ATP6V1A: variants seen among roughly 807,000 people sequenced by gnomAD.
ATP6V1A encodes V-type proton ATPase catalytic subunit A.
In ATP6V1A, 18 loss-of-function variants were observed where a neutral mutation model predicts 70.1. The observed-to-expected ratio is 0.26, with a 90% CI of 0.18 to 0.38. ATP6V1A has a LOEUF of 0.38. Among genes scored for constraint, ATP6V1A ranks in the 10% least tolerant of loss-of-function variants. ATP6V1A has a pLI of 1.00. For synonymous variants in ATP6V1A, 232 were observed against 253.8 expected, an observed-to-expected ratio of 0.91 and a Z score of 0.82; for missense variants, 424 against 772.4, an observed-to-expected ratio of 0.55 and a Z score of 5.35.
In ATP6V1A at chr3:113,803,810, A is replaced by C; in HGVS notation, c.1589+133A>C. 4 of 626,404 alleles carry C rather than the reference A, an allele frequency of 6.4e-6. No individual in the cohort carries two copies. The South Asian group carries it at 6.9e-5, about 11-fold the overall frequency. 38.8% of individuals were successfully genotyped at this position (626,404 alleles called of 1,614,324 possible). A position where few individuals can be genotyped will look rare whatever the true frequency, so the allele number is the denominator to read the frequency against. ...TGACTTAGTAGATTGGTTTATTTGT[A>C]TATTTGTAGTAGACATGATCTAATA... is the stretch of plus-strand genomic sequence containing the variant. On this transcript the variant is annotated intron_variant, in intron 13 of 14. Coordinates refer to ENST00000273398, the MANE Select transcript of ATP6V1A (RefSeq NM_001690.4).
chr3:113,803,785 T>A (rs1709247168), intron 13 of ATP6V1A, 108 bp downstream of exon 13: 1 of 750,068 alleles, frequency 1.3e-6, no homozygotes, highest in African/African-American at 1.8e-5. Context: ...TCATACACTC[T>A]GACTTAGTAG....
intron 6 of ATP6V1A, among the ~76,000 whole-genome samples, 194 bp from the exon 7 acceptor site, chr3:113,788,519 T>G (rs1709060218): frequency 1.3e-5 from 2 of 151,448 alleles, no homozygotes. Flanking sequence ...TTTTTTTTTG[T>G]AATTTTAGTA....
chr3:113,792,248 T>C (rs1709103093), intron 8 of ATP6V1A, among the ~76,000 whole-genome samples: 1 of 152,232 alleles, frequency 6.6e-6, no homozygotes, highest in Non-Finnish European at 1.5e-5. Flanking sequence ...TTGGATTCTT[T>C]ATCGTCGTTT....
rs545302532 is a variant in ATP6V1A at position 113,757,847 on chromosome 3, G to T, written c.-14+10734G>T. Among the ~76,000 whole-genome samples the T allele has an allele frequency of 1.2e-4, 19 of 152,310 alleles. No individual in the cohort carries two copies. In the South Asian group the frequency reaches 3.7e-3, roughly 30 times the overall value. On this transcript the variant is annotated intron_variant, in intron 1 of 14. Coordinates refer to ENST00000273398, the MANE Select transcript of ATP6V1A (RefSeq NM_001690.4). ...TTTGCATAGGTCAAATAGTCCTTTA[G>T]AAATACTATATTAGTTGGCTGGGCC...
chr3:113,801,973 A>T (rs1393790834), intron 12 of ATP6V1A, among the ~76,000 whole-genome samples: 2 of 151,960 alleles, frequency 1.3e-5, no homozygotes, highest in African/African-American at 4.8e-5. Context: ...AATGTAGTTA[A>T]CTCATTGGGC....
chr3:113,788,945 A>G, intron 7 of ATP6V1A, 70 bp downstream of exon 7: 1 of 1,429,650 alleles, frequency 7.0e-7, no homozygotes, highest in Non-Finnish European at 9.7e-7. Context: ...CAATTAATAA[A>G]GCTTTGTGTT....
rs769078286 is a variant in ATP6V1A, at chr3:113,784,832, C to A, written c.563C>A (p.Ser188Tyr). Residue 188 changes from serine (S) to tyrosine (Y), a missense_variant and splice_region_variant, in exon 5 of 15, where the codon TCT becomes TAT. Around this residue, in one of 9 missense-constraint regions of ATP6V1A, gnomAD observed 139 missense variants for 163.5 expected, o/e 0.85. Coordinates refer to ENST00000273398, the MANE Select transcript of ATP6V1A (RefSeq NM_001690.4). ...YIAPPGNYDT[S>Y]DVVLELEFEG... The stretch of plus-strand genomic sequence containing the variant: ...GCTCCACCTGGGAATTATGATACCT[C>A]TGTAAGTATCATTTGAACTTTATCC... 3 of 1,613,760 alleles carry A rather than the reference C, an allele frequency of 1.9e-6. No homozygotes were observed. The highest frequency in any genetic ancestry group is 1.6e-4 in the Middle Eastern group (1 of 6,082).
intron 1 of ATP6V1A, among the ~76,000 whole-genome samples, chr3:113,777,126 G>T (rs1246377940): frequency 6.6e-6 from 1 of 152,174 alleles, no homozygotes; most frequent in Non-Finnish European, 1.5e-5. Context: ...TATTAAGGTA[G>T]ATCAGCAGTC....
intron 3 of ATP6V1A, among the ~76,000 whole-genome samples, chr3:113,783,971 C>T (rs1394001918): frequency 6.6e-6 from 1 of 152,048 alleles, no homozygotes; most frequent in Non-Finnish European, 1.5e-5. Context: ...CAAATTGCTA[C>T]TCAGTTGTTA....
chr3:113,811,187 A>G lies in ATP6V1A; in HGVS notation c.*1760A>G, dbSNP rs892371569. 6.6e-6 allele frequency: 1 copy of G among 152,246 alleles called. No individual in the cohort carries two copies. The highest frequency in any genetic ancestry group is 6.5e-5 in the Admixed American group (1 of 15,284). 9.4% of individuals were successfully genotyped at this position (152,246 alleles called of 1,614,324 possible). ...CTTCAAATACCCAAATTGTGATAGC[A>G]TAAATAAAGTATTTATTTTATGCCT... On this transcript the variant is annotated 3_prime_UTR_variant, in exon 15 of 15. Transcript: ENST00000273398.
intron 1 of ATP6V1A, among the ~76,000 whole-genome samples, chr3:113,749,292 C>CACAG (rs1708559074): frequency 6.6e-6 from 1 of 151,832 alleles, no homozygotes; most frequent in Non-Finnish European, 1.5e-5. Context: ...CACACACACA[C>CACAG]ACACACACAC....
At chr3:113,755,357 A>G (rs1380908248) in intron 1 of ATP6V1A, among the ~76,000 whole-genome samples, 1 of 151,084 alleles carries the variant, frequency 6.6e-6, no homozygotes, top group African/African-American at 2.4e-5. Flanking sequence ...TAATCCCAGC[A>G]CTTTGGGAGG....
rs1709039926 is a variant in ATP6V1A, at chr3:113,786,338, A to G, written c.671A>G (p.Asn224Ser). 2.5e-6 allele frequency: 4 copies of G among 1,613,992 alleles called. No individual in the cohort carries two copies. Among genetic ancestry groups the G allele is most frequent in the Admixed American group, 1.7e-5 (1 of 60,004 alleles). Residue 224 changes from asparagine (N) to serine (S), a missense_variant, in exon 6 of 15, where the codon AAT (asparagine) becomes AGT (serine). Around this residue, in one of 9 missense-constraint regions of ATP6V1A, gnomAD observed 22 missense variants for 45.6 expected, o/e 0.48. Coordinates refer to ENST00000273398, the MANE Select transcript of ATP6V1A (RefSeq NM_001690.4). ...CCTGTCACTGAGAAGCTGCCAGCCA[A>G]TCATCCTCTGTTGACTGGCCAGAGA... ...VRPVTEKLPANHPLLTGQRVL... is the reference protein window; with the variant it reads ...VRPVTEKLPASHPLLTGQRVL...
intron 13 of ATP6V1A, among the ~76,000 whole-genome samples, chr3:113,804,490 T>C (rs1709253299): frequency 6.6e-6 from 1 of 152,184 alleles, no homozygotes; most frequent in East Asian, 1.9e-4. Context: ...TTCTCATTTC[T>C]TTTAAATTTT....
chr3:113,779,989 G>A (rs1261089645), intron 2 of ATP6V1A, among the ~76,000 whole-genome samples: 6 of 152,070 alleles, frequency 3.9e-5, no homozygotes, highest in Non-Finnish European at 5.9e-5. Context: ...CCCCACGTGC[G>A]TTAGGTATTT....
chr3:113,776,536 G>A (rs1297991540), intron 1 of ATP6V1A, among the ~76,000 whole-genome samples: 1 of 152,164 alleles, frequency 6.6e-6, no homozygotes, highest in Non-Finnish European at 1.5e-5. Context: ...GCTATTTAAA[G>A]CTTCAAAAGC....
chr3:113,805,705 A>T (rs2108046229), intron 14 of ATP6V1A, among the ~76,000 whole-genome samples, 180 bp downstream of exon 14: 1 of 152,212 alleles, frequency 6.6e-6, no homozygotes, highest in Non-Finnish European at 1.5e-5. Flanking sequence ...AATAGCTGGG[A>T]CGACAGGTGC....
chr3:113,764,751 C>T (rs373368382), intron 1 of ATP6V1A, among the ~76,000 whole-genome samples: 14 of 151,922 alleles, frequency 9.2e-5, no homozygotes, highest in African/African-American at 3.1e-4. Context: ...ATTACTTTTC[C>T]CCCTTCAGTT....
rs998435969 is a variant in ATP6V1A at position 113,789,991 on chromosome 3, C to T, written c.988+151C>T. 3.7e-5 allele frequency: 22 copies of T among 589,390 alleles called. 1 individual carries two copies. The highest frequency in any genetic ancestry group is 3.4e-4 in the South Asian group (15 of 44,726). The allele number at this position is 589,390 out of a possible 1,614,324, so 36.5% of individuals were successfully genotyped here. Reference sequence around the variant, plus strand: ...GCTTTTAAAAAATATTTTACTTGGCCGGGAATGGTGACTCACGCCTGTGGT... The same window carrying T: ...GCTTTTAAAAAATATTTTACTTGGCTGGGAATGGTGACTCACGCCTGTGGT... On this transcript the variant is annotated intron_variant, in intron 8 of 14. Transcript: ENST00000273398.
Sources: gnomAD v4.1 joint callset for allele counts (sites outside exome capture counted in the v4.1 genomes callset) on GRCh38, gnomAD v4.1.1 for gene constraint, gnomAD v4.1.1 regional missense constraint, MANE v1.5 for transcripts, NCBI Gene and HGNC (gene_info 2026-07-23, HGNC 2026-07-21) for gene names.